Variants in CBARP observed in about 807,000 individuals in gnomAD.
The protein encoded by CBARP is CACN subunit beta associated regulatory protein.
Under a neutral mutation model 36.3 loss-of-function variants are expected in CBARP, and 24 were observed. The ratio of observed to expected loss-of-function variants is 0.66; its 90% CI spans 0.48 to 0.93. The LOEUF is 0.93. CBARP is among the 40% of genes least tolerant of loss of function. The probability of loss-of-function intolerance (pLI) is 0.00; values close to 1 mark genes in which losing one functional copy is unlikely to be tolerated. For missense variants in CBARP, 1,146 were observed against 980.4 expected, an observed-to-expected ratio of 1.17 and a Z score of -2.26; for synonymous variants, 586 against 453.2, an observed-to-expected ratio of 1.29 and a Z score of -3.72.
chr19:1,235,685 C>T (rs2080959658), intron 3 of CBARP, 94 bp downstream of exon 3: 2 of 1,596,732 alleles, frequency 1.3e-6, no homozygotes, highest in Admixed American at 1.7e-5. Flanking sequence ...CATAGCCCAC[C>T]CTGTGACTCA....
intron 5 of CBARP, 28 bp from the exon 6 acceptor site, chr19:1,234,770 C>T (rs1481326331): frequency 5.0e-6 from 8 of 1,602,250 alleles, no homozygotes; most frequent in Admixed American, 1.7e-5. Context: ...CATCAGAGCC[C>T]GCCCACCTCC....
intron 9 of CBARP, chr19:1,230,614 A>G: frequency 8.2e-7 from 1 of 1,216,938 alleles, no homozygotes; most frequent in Non-Finnish European, 1.0e-6. Flanking sequence ...TGCCCCAGGA[A>G]CCCTGCTCTG....
At chr19:1,235,387 C>T (rs971514782) in intron 4 of CBARP, 114 bp downstream of exon 4, 1 of 1,243,232 alleles carries the variant, frequency 8.0e-7, no homozygotes, top group African/African-American at 1.5e-5. Context: ...GAGCTGCGCC[C>T]AGTCTGGTGG....
At chr19:1,231,653 C>CCA (rs113865789) in intron 8 of CBARP, among the ~76,000 whole-genome samples, 13 of 148,206 alleles carry the variant, frequency 8.8e-5, no homozygotes, top group Non-Finnish European at 1.5e-4. Context: ...CCTGTGGCCC[C>CCA]CACACACACA....
In CBARP at chr19:1,229,112, C is replaced by T. The variant is rs565504564; in HGVS notation, c.*67G>A. On this transcript the variant is annotated 3_prime_UTR_variant, in exon 10 of 10. Transcript: ENST00000650044. This position sits in a 1 kb window ranked among gnomAD's most constrained non-coding sequence, Gnocchi z 5.1. Reference sequence around the variant, plus strand: ...GTCGGGGCGTCGCGCCCCCACGTCTCTCCCGCCGCCGAGGCCCCGTGCGGC... The same window carrying T: ...GTCGGGGCGTCGCGCCCCCACGTCTTTCCCGCCGCCGAGGCCCCGTGCGGC... 62 of 643,322 alleles carry T rather than the reference C, an allele frequency of 9.6e-5. No individual in the cohort carries two copies. Among genetic ancestry groups the T allele is most frequent in the Non-Finnish European group, 1.2e-4 (59 of 510,900 alleles). 39.9% of individuals were successfully genotyped at this position (643,322 alleles called of 1,614,324 possible).
rs538453844 is a variant in CBARP at position 1,235,856 on chromosome 19, C to A, written c.168G>T (p.Val56=). The change falls in exon 3 of 10, where the codon GTG becomes GTT. Residue 56 remains valine (V), a synonymous_variant. Transcript: ENST00000650044. ...VLLVVVMSLF[V]GGTLVVLSGV... The stretch of plus-strand genomic sequence containing the variant: ...CAGACAACACCACCAGCGTGCCCCC[C>A]ACGAACAGCGACATCACCACCACCA... The A allele has an allele frequency of 2.1e-4, 332 of 1,612,088 alleles. 5 individuals carry two copies. In the South Asian group the frequency reaches 3.6e-3, roughly 17 times the overall value.
intron 8 of CBARP, among the ~76,000 whole-genome samples, chr19:1,232,800 A>G (rs1022745297): frequency 6.6e-6 from 1 of 152,202 alleles, no homozygotes; most frequent in African/African-American, 2.4e-5. Context: ...CCTCGCCTCA[A>G]CAGCAGCAGA....
At chr19:1,230,660 T>A in intron 9 of CBARP, 1 of 1,272,660 alleles carries the variant, frequency 7.9e-7, no homozygotes, top group Admixed American at 3.7e-5. Context: ...CCCACCGACG[T>A]GGGCCCTGGG....
chr19:1,235,160 A>G lies in CBARP; in HGVS notation c.311-15T>C, dbSNP rs2080949406. The G allele has an allele frequency of 4.5e-6, 7 of 1,552,594 alleles. No individual in the cohort carries two copies. Among genetic ancestry groups the G allele is most frequent in the Non-Finnish European group, 6.1e-6 (7 of 1,147,358 alleles). ...GAAGTCGGGGTCTGCGTGGAGAGGC[A>G]GGAGAGGGTGGGCCCCGGGCGGGCC... On this transcript the variant is annotated splice_polypyrimidine_tract_variant and intron_variant, in intron 4 of 9. Transcript: ENST00000650044.
chr19:1,235,776 C>T lies in CBARP; in HGVS notation c.245+3G>A, dbSNP rs373916952. On this transcript the variant is annotated splice_donor_region_variant and intron_variant, in intron 3 of 9. Coordinates refer to ENST00000650044, the MANE Select transcript of CBARP (RefSeq NM_001393918.1). ...CTGCCCAGCCGAGGTGGGGGCCTCG[C>T]ACCTGTTGAGGCGCTGGTGGACGTC... 57 of 1,607,068 alleles carry T rather than the reference C, an allele frequency of 3.5e-5. No homozygotes were observed. The African/African-American group carries it at 3.6e-4, about 10-fold the overall frequency.
chr19:1,228,526 G>GC lies in CBARP; in HGVS notation c.*652dup, dbSNP rs2080846835. The GC allele has an allele frequency of 5.4e-6, 1 of 184,194 alleles. No individual in the cohort carries two copies. The highest frequency in any genetic ancestry group is 1.8e-4 in the South Asian group (1 of 5,662). 11.4% of individuals were successfully genotyped at this position (184,194 alleles called of 1,614,324 possible). A position where few individuals can be genotyped will look rare whatever the true frequency, so the allele number is the denominator to read the frequency against. ...GCGGAGGGCAGTGGGGACTCGGGGC[G>GC]CGGGAGGGCCGGGGCCGGCTCCCTC... On this transcript the variant is annotated 3_prime_UTR_variant, in exon 10 of 10. Coordinates refer to ENST00000650044, the MANE Select transcript of CBARP (RefSeq NM_001393918.1).
rs1204689823 is a variant in CBARP at position 1,237,738 on chromosome 19, C to T, written c.-22+18G>A. ...GTCCCCCGTCCGCCCCCCGCAGCCC[C>T]GAGCCCGCCGCGCCTACCTCAGCGC... is the stretch of plus-strand genomic sequence containing the variant. On this transcript the variant is annotated intron_variant, in intron 1 of 9. Transcript: ENST00000650044. 1 of 150,288 alleles carries T rather than the reference C, an allele frequency of 6.7e-6. No individual in the cohort carries two copies. Among genetic ancestry groups the T allele is most frequent in the East Asian group, 1.9e-4 (1 of 5,166 alleles). 9.3% of individuals were successfully genotyped at this position (150,288 alleles called of 1,614,324 possible). A position where few individuals can be genotyped will look rare whatever the true frequency, so the allele number is the denominator to read the frequency against.
chr19:1,229,251 G>C lies in CBARP; in HGVS notation c.2046C>G (p.Leu682=), dbSNP rs1473791659. 8.1e-7 allele frequency: 1 copy of C among 1,242,064 alleles called. No homozygotes were observed. The allele number at this position is 1,242,064 out of a possible 1,614,324, so 76.9% of individuals were successfully genotyped here. A position where few individuals can be genotyped will look rare whatever the true frequency, so the allele number is the denominator to read the frequency against. The change falls in exon 10 of 10, where the codon CTC becomes CTG. Residue 682 remains leucine, a synonymous_variant. Coordinates refer to ENST00000650044, the MANE Select transcript of CBARP (RefSeq NM_001393918.1). This position sits in a 1 kb window ranked among gnomAD's most constrained non-coding sequence, Gnocchi z 5.1. ...CGGGAGTCGCCACGACGGGCTCGGCGAGGCGCGGCGGAAAGAGTCTCTCGT... is the reference window on the plus strand; with the variant it reads ...CGGGAGTCGCCACGACGGGCTCGGCCAGGCGCGGCGGAAAGAGTCTCTCGT... ...GLDERLFPPR[L]AEPVVATPAL...
At position 1,230,105 on chromosome 19, in the gene CBARP, CG is replaced by C; in HGVS notation, c.1191del (p.Asp398IlefsTer430). 3.7e-6 allele frequency: 4 copies of C among 1,074,394 alleles called. No individual in the cohort carries two copies. The highest frequency in any genetic ancestry group is 3.4e-6 in the Non-Finnish European group (3 of 881,284). The allele number at this position is 1,074,394 out of a possible 1,614,324, so 66.6% of individuals were successfully genotyped here. ...CCCGCGCCGCGCTCCGGGGGGGAAT[CG>C]GGGCTCGCTCCTCCCGCTGCCTCGG... ...EAAEAAGGAS[P>X]DSPPERGAGS... On this transcript the variant is annotated frameshift_variant, in exon 10 of 10. Transcript: ENST00000650044. LOFTEE classifies it low-confidence loss of function (END_TRUNC).
At position 1,235,559 on chromosome 19, in the gene CBARP, C is replaced by A. The variant is rs769709360; in HGVS notation, c.252G>T (p.Met84Ile). 1 of 1,608,004 alleles carries A rather than the reference C, an allele frequency of 6.2e-7. No homozygotes were observed. The highest frequency in any genetic ancestry group is 8.5e-7 in the Non-Finnish European group (1 of 1,177,626). ...TGGTGGTGGTCTTCTCCGCTTCCTC[C>A]ATGGCCCTGGGAGAGACGTTGGGAG... ...WDVHQRLNRA[M>I]EEAEKTTTTY... Residue 84 changes from methionine (M) to isoleucine (I), a missense_variant, in exon 4 of 10, where the codon ATG becomes ATT. By Grantham distance (10) the Met-to-Ile change is conservative. Coordinates refer to ENST00000650044, the MANE Select transcript of CBARP (RefSeq NM_001393918.1).
Position 1,229,666 on chromosome 19 carries a change from T to C in CBARP, c.1631A>G (p.Glu544Gly), listed in dbSNP as rs1212172236. 25 of 1,137,934 alleles carry C rather than the reference T, an allele frequency of 2.2e-5. No individual in the cohort carries two copies. Among genetic ancestry groups the C allele is most frequent in the Non-Finnish European group, 2.7e-5 (25 of 913,380 alleles). The allele number at this position is 1,137,934 out of a possible 1,614,324, so 70.5% of individuals were successfully genotyped here. A position where few individuals can be genotyped will look rare whatever the true frequency, so the allele number is the denominator to read the frequency against. ...RRPRRDYSID[E>G]KTDALFHEFL... ...CTCGTGGAACAGCGCGTCCGTCTTCTCGTCGATGCTGTAGTCGCGGCGCGG... is the reference window on the plus strand; with the variant it reads ...CTCGTGGAACAGCGCGTCCGTCTTCCCGTCGATGCTGTAGTCGCGGCGCGG... The change falls in exon 10 of 10, where the codon GAG becomes GGG. Residue 544 changes from glutamate to glycine, a missense_variant. Coordinates refer to ENST00000650044, the MANE Select transcript of CBARP (RefSeq NM_001393918.1). This position sits in a 1 kb window ranked among gnomAD's most constrained non-coding sequence, Gnocchi z 5.1.
intron 8 of CBARP, among the ~76,000 whole-genome samples, chr19:1,231,562 G>A (rs2080894546): frequency 2.0e-5 from 1 of 50,984 alleles, no homozygotes; most frequent in Non-Finnish European, 3.6e-5. Context: ...ACACGCCTGT[G>A]CCCCCCCCAC....
intron 8 of CBARP, among the ~76,000 whole-genome samples, chr19:1,232,969 G>A (rs2145451804): frequency 6.6e-6 from 1 of 152,380 alleles, no homozygotes; most frequent in African/African-American, 2.4e-5. Context: ...AGGTCACACA[G>A]CAGCTGATGG....
At chr19:1,232,088 G>A (rs150353978) in intron 8 of CBARP, among the ~76,000 whole-genome samples, 1 of 152,072 alleles carries the variant, frequency 6.6e-6, no homozygotes, top group Non-Finnish European at 1.5e-5. Flanking sequence ...CTGGGGGACT[G>A]CCCCACCCCT....
Sources: allele counts gnomAD v4.1 joint callset (sites outside exome capture counted in the v4.1 genomes callset), GRCh38; gene constraint gnomAD v4.1.1; non-coding constraint Gnocchi (gnomAD v3.1); transcripts MANE v1.5; gene names NCBI Gene and HGNC (gene_info 2026-07-23, HGNC 2026-07-21).